The following TCF3 variants were observed in gnomAD, a reference collection of about 807,000 sequenced individuals.
TCF3 encodes the protein transcription factor 3.
TCF3 carries 54 observed loss-of-function variants against 72.3 expected under a neutral mutation model. The ratio of observed to expected loss-of-function variants is 0.75; its 90% CI spans 0.60 to 0.94. The LOEUF (loss-of-function observed/expected upper bound fraction) is 0.94. Ranked by LOEUF, TCF3 falls within the 40% of genes least tolerant of loss-of-function variation. TCF3 has a pLI of 0.00. For missense variants in TCF3, 1,078 were observed against 934.4 expected (o/e 1.15, Z -2.00); for synonymous variants, 525 against 412.6 (o/e 1.27, Z -3.30).
At position 1,648,947 on chromosome 19, in the gene TCF3, G is replaced by A. The variant is rs185146251; in HGVS notation, c.72+1230C>T. Among the ~76,000 whole-genome samples the A allele has an allele frequency of 9.2e-5, 14 of 152,256 alleles. No individual in the cohort carries two copies. The East Asian group carries it at 1.9e-3, about 21-fold the overall frequency. ...GTACCAGCAGGCAAACCGAGGCCCCGGGCCTTTACAGCACCCGTCAGCGGC... is the reference window on the plus strand; with the variant it reads ...GTACCAGCAGGCAAACCGAGGCCCCAGGCCTTTACAGCACCCGTCAGCGGC... On this transcript the variant is annotated intron_variant, in intron 2 of 18. Transcript: ENST00000262965.
chr19:1,615,298 C>G lies in TCF3; in HGVS notation c.1809G>C (p.Glu603Asp). ...HQAVSVILNL[E>D]QQVRERNLNP... is the part of the protein sequence containing the mutation. ...GCCCCCACTGACCTCGCACTTGCTGCTCCAAGTTCAGGATGACCGAGACAG... is the reference window on the plus strand; with the variant it reads ...GCCCCCACTGACCTCGCACTTGCTGGTCCAAGTTCAGGATGACCGAGACAG... Residue 603 changes from glutamate to aspartate, a missense_variant, in exon 18 of 19, where the codon GAG becomes GAC. By Grantham distance (45) the Glu-to-Asp change is conservative. Coordinates refer to ENST00000262965, the MANE Select transcript of TCF3 (RefSeq NM_003200.5). The surrounding 1 kb of genome is among the most constrained non-coding windows in gnomAD (Gnocchi z 7.3). 6.3e-7 allele frequency: 1 copy of G among 1,594,982 alleles called. No homozygotes were observed. The highest frequency in any genetic ancestry group is 2.3e-5 in the East Asian group (1 of 44,382).
At chr19:1,651,345 T>A (rs920726371) in intron 1 of TCF3, 15 of 226,958 alleles carry the variant, frequency 6.6e-5, no homozygotes, top group African/African-American at 3.3e-4. Context: ...AGCAGAGAAA[T>A]CCCCTCTTTG....
chr19:1,611,594 GACA>G lies in TCF3; in HGVS notation c.*110_*112del. ...GTCAGGTTGGTGTTGGCTCGATGCTGACAACAGGTGTGTGAGGTGTGGATGTGG... is the reference window on the plus strand; with the variant it reads ...GTCAGGTTGGTGTTGGCTCGATGCTGACAGGTGTGTGAGGTGTGGATGTGG... On this transcript the variant is annotated 3_prime_UTR_variant, in exon 19 of 19. Transcript: ENST00000262965. 7.0e-6 allele frequency: 10 copies of G among 1,418,932 alleles called. No individual in the cohort carries two copies. The South Asian group carries it at 8.5e-5, about 12-fold the overall frequency. The allele number at this position is 1,418,932 out of a possible 1,614,324, so 87.9% of individuals were successfully genotyped here. A position where few individuals can be genotyped will look rare whatever the true frequency, so the allele number is the denominator to read the frequency against.
Position 1,625,599 on chromosome 19 carries a change from C to T in TCF3, c.476G>A (p.Arg159Gln), listed in dbSNP as rs905918880. The change falls in exon 7 of 19, where the codon CGG becomes CAG. Residue 159 changes from arginine to glutamine, a missense_variant. By Grantham distance (43) the Arg-to-Gln change is conservative. Coordinates refer to ENST00000262965, the MANE Select transcript of TCF3 (RefSeq NM_003200.5). ...ACCTAGGCTGCCGTCTGCCGCTCTC[C>T]GCCGGGAGCTGCCGGAGTAGGAGGG... Reference protein sequence around the residue: ...YYPSYSGSSRRRAADGSLDTQ... With the variant: ...YYPSYSGSSRQRAADGSLDTQ... 1.1e-5 allele frequency: 17 copies of T among 1,586,016 alleles called. No homozygotes were observed. Among genetic ancestry groups the T allele is most frequent in the Admixed American group, 1.8e-5 (1 of 57,056 alleles).
intron 18 of TCF3, among the ~76,000 whole-genome samples, chr19:1,613,895 A>C (rs925459158): frequency 8.5e-5 from 13 of 152,232 alleles, no homozygotes; most frequent in Non-Finnish European, 1.8e-4. Context: ...CTGAGGTTCC[A>C]AGAGCCTGTT....
chr19:1,615,835 A>G lies in TCF3; in HGVS notation c.1451-14T>C, dbSNP rs763212853. ...CTCGCCCTAGCCCTGCAACAGGCCT[A>G]GGGTCAGGGGCCTGCGTCGGCCTCC... On this transcript the variant is annotated splice_polypyrimidine_tract_variant and intron_variant, in intron 16 of 18. Coordinates refer to ENST00000262965, the MANE Select transcript of TCF3 (RefSeq NM_003200.5). The surrounding 1 kb of genome is among the most constrained non-coding windows in gnomAD (Gnocchi z 7.3). 17 of 1,539,822 alleles carry G rather than the reference A, an allele frequency of 1.1e-5. No homozygotes were observed. The Admixed American group carries it at 3.0e-4, about 28-fold the overall frequency.
intron 3 of TCF3, among the ~76,000 whole-genome samples, chr19:1,637,559 T>A (rs2064612367): frequency 6.6e-6 from 1 of 151,968 alleles, no homozygotes; most frequent in Admixed American, 6.6e-5. Context: ...TCTATGGGCA[T>A]CACCAGTGAC....
chr19:1,619,891 C>G, intron 13 of TCF3, 38 bp from the exon 14 acceptor site: 3 of 1,506,416 alleles, frequency 2.0e-6, no homozygotes, highest in Non-Finnish European at 1.8e-6. Context: ...GTGCGAGGGG[C>G]GGGGTGTGAG....
intron 16 of TCF3, among the ~76,000 whole-genome samples, 198 bp from the exon 17 acceptor site, chr19:1,616,019 A>G (rs748789261): frequency 3.9e-5 from 6 of 152,220 alleles, no homozygotes; most frequent in African/African-American, 7.2e-5. Flanking sequence ...CAGATTAAGG[A>G]CCACAAGATG....
Position 1,650,279 on chromosome 19 carries a change from C to T in TCF3, c.-31G>A. The T allele has an allele frequency of 6.5e-7, 1 of 1,546,526 alleles. No individual in the cohort carries two copies. Among genetic ancestry groups the T allele is most frequent in the Non-Finnish European group, 8.7e-7 (1 of 1,146,846 alleles). The stretch of plus-strand genomic sequence containing the variant: ...TGGGGCCAGGGCGGGCACCTCAGGC[C>T]TGGAAACCCTGCTTGGTGGATGTGG... On this transcript the variant is annotated 5_prime_UTR_variant, in exon 2 of 19. Coordinates refer to ENST00000262965, the MANE Select transcript of TCF3 (RefSeq NM_003200.5).
In TCF3 at chr19:1,639,752, A is replaced by G. The variant is rs58870062; in HGVS notation, c.145+6603T>C. ...AACCTGACCTGAAGAGGAAATTAGG[A>G]AAAAAAAAAAAAAAAAAAAAAAGGA... On this transcript the variant is annotated intron_variant, in intron 3 of 18. Coordinates refer to ENST00000262965, the MANE Select transcript of TCF3 (RefSeq NM_003200.5). 2.4e-4 allele frequency among the ~76,000 whole-genome samples: 18 copies of G among 75,782 alleles called. No homozygotes were observed. In the South Asian group the frequency reaches 2.9e-3, roughly 12 times the overall value. The allele number at this position is 75,782 out of a possible 152,430, so 49.7% of individuals were successfully genotyped here. A position where few individuals can be genotyped will look rare whatever the true frequency, so the allele number is the denominator to read the frequency against.
intron 2 of TCF3, among the ~76,000 whole-genome samples, chr19:1,649,444 C>T (rs892094802): frequency 1.3e-5 from 2 of 152,224 alleles, no homozygotes; most frequent in Admixed American, 1.3e-4. Context: ...GGATCTTACT[C>T]TATCGCCCAG....
rs1003976136 is a variant in TCF3 at position 1,619,547 on chromosome 19, C to T, written c.1168-73G>A. 7.8e-5 allele frequency: 117 copies of T among 1,505,390 alleles called. 1 individual carries two copies. The highest frequency in any genetic ancestry group is 5.4e-4 in the South Asian group (42 of 77,428). The allele number at this position is 1,505,390 out of a possible 1,614,324, so 93.3% of individuals were successfully genotyped here. On this transcript the variant is annotated intron_variant, in intron 14 of 18. Coordinates refer to ENST00000262965, the MANE Select transcript of TCF3 (RefSeq NM_003200.5). ...CACAGGCCTCCATTCATGTCCCTTC[C>T]GCATGCAAGTGGCCGGTGGTCCCAT...
At chr19:1,651,729 G>T (rs1408852058) in intron 1 of TCF3, among the ~76,000 whole-genome samples, 1 of 151,920 alleles carries the variant, frequency 6.6e-6, no homozygotes, top group Admixed American at 6.5e-5. Context: ...GTGCGGCCCG[G>T]GAGCCTTTGA....
chr19:1,650,204 C>T lies in TCF3; in HGVS notation c.45G>A (p.Glu15=), dbSNP rs759005186. ...TGCTGAAGTCCAGGAGGTCACTGAG[C>T]TCCTTGTCTGTGCCCACAGGCGCCA... ...QRMAPVGTDK[E]LSDLLDFSMM... The change falls in exon 2 of 19, where the codon GAG becomes GAA. Residue 15 remains glutamate, a synonymous_variant. Transcript: ENST00000262965. 15 of 1,573,456 alleles carry T rather than the reference C, an allele frequency of 9.5e-6. No homozygotes were observed. The highest frequency in any genetic ancestry group is 1.3e-5 in the Non-Finnish European group (15 of 1,160,904).
rs2060852674 is a variant in TCF3, at chr19:1,609,666, G to GGT, written c.*2040_*2041insAC. 1 of 224,398 alleles carries GGT rather than the reference G, an allele frequency of 4.5e-6. No homozygotes were observed. The highest frequency in any genetic ancestry group is 6.4e-5 in the East Asian group (1 of 15,594). 13.9% of individuals were successfully genotyped at this position (224,398 alleles called of 1,614,324 possible). On this transcript the variant is annotated 3_prime_UTR_variant, in exon 19 of 19. Coordinates refer to ENST00000262965, the MANE Select transcript of TCF3 (RefSeq NM_003200.5). The stretch of plus-strand genomic sequence containing the variant: ...TTCCCTTAAGAGATCAAACTCCCAG[G>GGT]GCGTAGGGGAAGCCACCGAGAAGGG...
intron 3 of TCF3, among the ~76,000 whole-genome samples, chr19:1,641,116 C>T (rs959886464): frequency 1.4e-5 from 2 of 145,216 alleles, no homozygotes; most frequent in African/African-American, 2.6e-5. Flanking sequence ...GAGCTGAGAT[C>T]GTGCCACTGC....
intron 13 of TCF3, among the ~76,000 whole-genome samples, chr19:1,620,195 AG>A (rs1406157679): frequency 6.6e-6 from 1 of 152,200 alleles, no homozygotes; most frequent in Non-Finnish European, 1.5e-5. Flanking sequence ...CTCCAGCAGC[AG>A]GCAAGAAAGT....
intron 14 of TCF3, 66 bp downstream of exon 14, chr19:1,619,714 C>A: frequency 1.5e-6 from 2 of 1,342,666 alleles, no homozygotes; most frequent in Admixed American, 2.2e-5. Flanking sequence ...GTTTCTCCTT[C>A]TCAAGGAGCG....
Sources: gnomAD v4.1 joint callset for allele counts (sites outside exome capture counted in the v4.1 genomes callset) on GRCh38, gnomAD v4.1.1 for gene constraint, Gnocchi (gnomAD v3.1) non-coding constraint, MANE v1.5 for transcripts, NCBI Gene and HGNC (gene_info 2026-07-23, HGNC 2026-07-21) for gene names.